Variants in BABAM2 observed in about 807,000 individuals in gnomAD.
BABAM2 encodes the protein BRISC and BRCA1 A complex member 2.
BABAM2 carries 31 observed loss-of-function variants against 54.7 expected under a neutral mutation model. The ratio of observed to expected loss-of-function variants is 0.57; its 90% CI spans 0.43 to 0.77. The LOEUF is 0.77. Ranked by LOEUF, BABAM2 falls within the 30% of genes least tolerant of loss-of-function variation. BABAM2 has a pLI of 0.00. For missense variants in BABAM2, 364 were observed against 455.8 expected (o/e 0.80, Z 1.83); for synonymous variants, 167 against 162.9 (o/e 1.03, Z -0.19).
At chr2:28,265,942 T>C (rs72784782) in intron 10 of BABAM2, among the ~76,000 whole-genome samples, 15,520 of 152,044 alleles carry the variant, frequency 0.1, 929 homozygotes, top group Middle Eastern at 0.16. Flanking sequence ...CCTTTCAGAG[T>C]TTCTTTATGT....
chr2:28,177,174 C>G (rs1675100647), intron 7 of BABAM2, among the ~76,000 whole-genome samples: 2 of 151,584 alleles, frequency 1.3e-5, no homozygotes, highest in Non-Finnish European at 2.9e-5. Context: ...TGTCTAGTCA[C>G]ATGTAAGGAA....
chr2:28,197,071 C>G (rs1168865837), intron 7 of BABAM2, among the ~76,000 whole-genome samples: 1 of 151,692 alleles, frequency 6.6e-6, no homozygotes, highest in African/African-American at 2.4e-5. Flanking sequence ...AGGCTGGTCT[C>G]AAACTCCTGA....
chr2:28,006,152 GA>G (rs1673953323), intron 4 of BABAM2, among the ~76,000 whole-genome samples: 1 of 151,838 alleles, frequency 6.6e-6, no homozygotes, highest in African/African-American at 2.4e-5. Context: ...ATTTGTCCTA[GA>G]AAATTACCAC....
intron 7 of BABAM2, among the ~76,000 whole-genome samples, chr2:28,188,383 A>C (rs1676548396): frequency 6.6e-6 from 1 of 152,196 alleles, no homozygotes; most frequent in African/African-American, 2.4e-5. Context: ...GGAACCCTAC[A>C]TTTTAAGGAC....
At chr2:28,143,206 A>G (rs919970567) in intron 7 of BABAM2, among the ~76,000 whole-genome samples, 2 of 152,110 alleles carry the variant, frequency 1.3e-5, no homozygotes, top group Non-Finnish European at 2.9e-5. Context: ...AACGTGGATG[A>G]ACCTGGAAGA....
intron 10 of BABAM2, among the ~76,000 whole-genome samples, chr2:28,283,358 C>T (rs1293060603): frequency 6.6e-6 from 1 of 152,186 alleles, no homozygotes; most frequent in East Asian, 1.9e-4. Context: ...TGACAAGACT[C>T]AGAGATTTTT....
intron 7 of BABAM2, among the ~76,000 whole-genome samples, chr2:28,130,086 G>C (rs1286817954): frequency 2.0e-5 from 3 of 152,272 alleles, no homozygotes; most frequent in African/African-American, 7.2e-5. Context: ...AAGCAGATTT[G>C]GTTGGGAACT....
chr2:28,273,879 A>C lies in BABAM2; in HGVS notation c.935-24459A>C, dbSNP rs189671839. Reference sequence around the variant, plus strand: ...CCGAGATTCAGCTTCCTCGTCTGTGAAATGAGATTGACACTTACCCTGCCT... The same window carrying C: ...CCGAGATTCAGCTTCCTCGTCTGTGCAATGAGATTGACACTTACCCTGCCT... On this transcript the variant is annotated intron_variant, in intron 10 of 11. Transcript: ENST00000379624. 2.6e-5 allele frequency among the ~76,000 whole-genome samples: 4 copies of C among 152,318 alleles called. No individual in the cohort carries two copies. In the East Asian group the frequency reaches 7.7e-4, roughly 29 times the overall value.
chr2:28,117,586 T>C (rs988962706), intron 6 of BABAM2, among the ~76,000 whole-genome samples: 4 of 152,288 alleles, frequency 2.6e-5, no homozygotes, highest in Non-Finnish European at 5.9e-5. Flanking sequence ...TCCCAGCAGG[T>C]TGGCTTTATT....
At chr2:27,937,088 C>T (rs1468356086) in intron 3 of BABAM2, among the ~76,000 whole-genome samples, 11 of 151,996 alleles carry the variant, frequency 7.2e-5, no homozygotes, top group Non-Finnish European at 7.4e-5. Context: ...GTTTATATGA[C>T]TTTGCTTTAT....
chr2:28,130,838 C>G (rs568584687), intron 7 of BABAM2, among the ~76,000 whole-genome samples: 2 of 152,110 alleles, frequency 1.3e-5, no homozygotes, highest in South Asian at 4.2e-4. Context: ...CTTCTGGGTT[C>G]AAGTGATTCT....
intron 10 of BABAM2, among the ~76,000 whole-genome samples, chr2:28,292,761 TC>T (rs1356382871): frequency 6.6e-6 from 1 of 152,210 alleles, no homozygotes; most frequent in East Asian, 1.9e-4. Flanking sequence ...ATAGCCCACT[TC>T]CCTTCAGGGG....
At position 28,325,932 on chromosome 2, in the gene BABAM2, C is replaced by T. The variant is rs1467667493; in HGVS notation, c.1089-12518C>T. Among the ~76,000 whole-genome samples the T allele has an allele frequency of 6.6e-6, 1 of 152,240 alleles. No homozygotes were observed. On this transcript the variant is annotated intron_variant, in intron 11 of 11. Coordinates refer to ENST00000379624, the MANE Select transcript of BABAM2 (RefSeq NM_199191.3). The surrounding 1 kb of genome is among the most constrained non-coding windows in gnomAD (Gnocchi z 4.3). ...CTCAGGGGAGGGGAAGGTTAGAGGC[C>T]TCAAGGAGTTGATCTCCTAAGTGTT...
At chr2:27,963,762 A>C (rs2148435838) in intron 3 of BABAM2, among the ~76,000 whole-genome samples, 1 of 152,342 alleles carries the variant, frequency 6.6e-6, no homozygotes, top group Admixed American at 6.5e-5. Flanking sequence ...TAAATGGAAC[A>C]ATCATTGGAA....
intron 7 of BABAM2, among the ~76,000 whole-genome samples, chr2:28,205,099 G>A (rs761007053): frequency 5.3e-5 from 8 of 151,878 alleles, no homozygotes; most frequent in South Asian, 2.1e-4. Flanking sequence ...ATTCATGCAC[G>A]TAGCTGACTT....
intron 5 of BABAM2, among the ~76,000 whole-genome samples, chr2:28,030,773 C>A (rs1676241570): frequency 6.6e-6 from 1 of 152,160 alleles, no homozygotes; most frequent in African/African-American, 2.4e-5. Flanking sequence ...TAGGACAACA[C>A]AGACTTATTA....
At chr2:27,982,109 T>A (rs1672050193) in intron 3 of BABAM2, among the ~76,000 whole-genome samples, 1 of 152,200 alleles carries the variant, frequency 6.6e-6, no homozygotes, top group African/African-American at 2.4e-5. Flanking sequence ...TGTTGGCTAA[T>A]GATCTTGAAC....
At chr2:28,136,916 C>T (rs1032043149) in intron 7 of BABAM2, among the ~76,000 whole-genome samples, 4 of 151,996 alleles carry the variant, frequency 2.6e-5, no homozygotes, top group African/African-American at 7.3e-5. Context: ...ATATTACATT[C>T]GGATAAATTG....
intron 7 of BABAM2, among the ~76,000 whole-genome samples, chr2:28,212,298 C>A (rs1330196678): frequency 6.6e-6 from 1 of 152,198 alleles, no homozygotes; most frequent in African/African-American, 2.4e-5. Context: ...GTTCTAGGTT[C>A]TAGGTTCATT....
Sources: allele counts gnomAD v4.1 joint callset (sites outside exome capture counted in the v4.1 genomes callset), GRCh38; gene constraint gnomAD v4.1.1; non-coding constraint Gnocchi (gnomAD v3.1); transcripts MANE v1.5; gene names NCBI Gene and HGNC (gene_info 2026-07-23, HGNC 2026-07-21).